The following RGS17 variants were observed in gnomAD, a reference collection of about 807,000 sequenced individuals.
RGS17 encodes regulator of G-protein signaling 17.
In RGS17, 12 loss-of-function variants were observed where a neutral mutation model predicts 25.5. The ratio of observed to expected loss-of-function variants is 0.47; its 90% CI spans 0.30 to 0.76. RGS17 has a LOEUF of 0.76. Among genes scored for constraint, RGS17 ranks in the 30% least tolerant of loss-of-function variants. RGS17 has a pLI of 0.07. For synonymous variants in RGS17, 71 were observed against 76.9 expected, an observed-to-expected ratio of 0.92 and a Z score of 0.40; for missense variants, 196 against 242.2, an observed-to-expected ratio of 0.81 and a Z score of 1.27.
intron 2 of RGS17, among the ~76,000 whole-genome samples, chr6:153,029,460 T>C (rs572733306): frequency 7.2e-5 from 11 of 152,352 alleles, no homozygotes; most frequent in African/African-American, 2.6e-4. Flanking sequence ...TTGTTGTTTT[T>C]ATTAATTCAC....
intron 1 of RGS17, among the ~76,000 whole-genome samples, chr6:153,124,004 T>C (rs1221778939): frequency 6.6e-6 from 1 of 152,188 alleles, no homozygotes; most frequent in Admixed American, 6.5e-5. Flanking sequence ...TGTTAAATCA[T>C]CCACCAACAG....
chr6:153,049,364 A>G (rs1776431139), intron 1 of RGS17, among the ~76,000 whole-genome samples: 1 of 152,210 alleles, frequency 6.6e-6, no homozygotes, highest in South Asian at 2.1e-4. Flanking sequence ...AAATATTACG[A>G]AACTTTATCA....
chr6:153,114,707 A>G lies in RGS17; in HGVS notation c.-26+16417T>C, dbSNP rs1777519576. ...AAGATACTGGCAAACTGAATCCAGC[A>G]GCACATTAACAAGCTTATCCACCAT... On this transcript the variant is annotated intron_variant, in intron 1 of 4. Coordinates refer to ENST00000206262, the MANE Select transcript of RGS17 (RefSeq NM_012419.5). Among the ~76,000 whole-genome samples, 8 of 152,352 alleles carry G rather than the reference A, an allele frequency of 5.3e-5. No homozygotes were observed. The South Asian group carries it at 1.7e-3, about 32-fold the overall frequency.
At chr6:153,058,037 C>A (rs1430463108) in intron 1 of RGS17, among the ~76,000 whole-genome samples, 1 of 152,160 alleles carries the variant, frequency 6.6e-6, no homozygotes, top group Non-Finnish European at 1.5e-5. Flanking sequence ...CTATTCTTAT[C>A]CTTGTTTCCT....
rs886131348 is a variant in RGS17, at chr6:153,006,662, C to G, written c.*4912G>C. 3.3e-5 allele frequency: 5 copies of G among 152,228 alleles called. No individual in the cohort carries two copies. Among genetic ancestry groups the G allele is most frequent in the Non-Finnish European group, 7.4e-5 (5 of 68,024 alleles). The allele number at this position is 152,228 out of a possible 1,614,324, so 9.4% of individuals were successfully genotyped here. ...AAGTGCATTAAAGTGACATTTAATA[C>G]AAGTATACAATAACAATTATTGACG... is the stretch of plus-strand genomic sequence containing the variant. On this transcript the variant is annotated 3_prime_UTR_variant, in exon 5 of 5. Coordinates refer to ENST00000206262, the MANE Select transcript of RGS17 (RefSeq NM_012419.5).
At chr6:153,069,754 G>GTGTGTTTGTGTT (rs1373739977) in intron 1 of RGS17, among the ~76,000 whole-genome samples, 5 of 151,564 alleles carry the variant, frequency 3.3e-5, no homozygotes, top group Admixed American at 2.6e-4. Flanking sequence ...GTGTGTGTGT[G>GTGTGTTTGTGTT]TGTGTGTGTG....
intron 1 of RGS17, among the ~76,000 whole-genome samples, chr6:153,124,438 G>A (rs12210200): frequency 0.11 from 16,868 of 152,106 alleles, 1,031 homozygotes; most frequent in East Asian, 0.18. Context: ...ATACTGGCAC[G>A]AAATTAAAAC....
chr6:153,101,991 C>G (rs1213990316), intron 1 of RGS17, among the ~76,000 whole-genome samples: 1 of 152,178 alleles, frequency 6.6e-6, no homozygotes, highest in Non-Finnish European at 1.5e-5. Flanking sequence ...TGGACTAATA[C>G]AGGTGGTTAT....
rs1482681315 is a variant in RGS17 at position 153,006,653 on chromosome 6, CATTT to C, written c.*4917_*4920del. ...AATAGGGGAAAGTGCATTAAAGTGACATTTAATACAAGTATACAATAACAATTAT... is the reference window on the plus strand; with the variant it reads ...AATAGGGGAAAGTGCATTAAAGTGACAATACAAGTATACAATAACAATTAT... On this transcript the variant is annotated 3_prime_UTR_variant, in exon 5 of 5. Coordinates refer to ENST00000206262, the MANE Select transcript of RGS17 (RefSeq NM_012419.5). The C allele has an allele frequency of 6.6e-6, 1 of 152,312 alleles. No homozygotes were observed. The highest frequency in any genetic ancestry group is 2.4e-5 in the African/African-American group (1 of 41,426). 9.4% of individuals were successfully genotyped at this position (152,312 alleles called of 1,614,324 possible). A position where few individuals can be genotyped will look rare whatever the true frequency, so the allele number is the denominator to read the frequency against.
intron 1 of RGS17, among the ~76,000 whole-genome samples, chr6:153,058,437 C>T (rs1776592650): frequency 6.6e-6 from 1 of 152,176 alleles, no homozygotes; most frequent in Non-Finnish European, 1.5e-5. Flanking sequence ...TGACACTGTA[C>T]TTTTTATCAC....
chr6:153,045,850 C>T (rs190219679), intron 1 of RGS17, among the ~76,000 whole-genome samples: 9 of 152,254 alleles, frequency 5.9e-5, no homozygotes, highest in Non-Finnish European at 1.0e-4. Context: ...TATCTGACTT[C>T]CCCTTTTCCA....
At chr6:153,103,808 T>C (rs1353723001) in intron 1 of RGS17, among the ~76,000 whole-genome samples, 1 of 152,112 alleles carries the variant, frequency 6.6e-6, no homozygotes, top group Admixed American at 6.5e-5. Context: ...CACATTATCA[T>C]TAGTCAGTAG....
At chr6:153,087,338 T>C in intron 1 of RGS17, among the ~76,000 whole-genome samples, 1 of 152,152 alleles carries the variant, frequency 6.6e-6, no homozygotes, top group Non-Finnish European at 1.5e-5. Context: ...AACACAGATA[T>C]ACATAATGAT....
chr6:153,040,260 T>C (rs895679055), intron 2 of RGS17, among the ~76,000 whole-genome samples: 3 of 152,178 alleles, frequency 2.0e-5, no homozygotes, highest in Non-Finnish European at 4.4e-5. Flanking sequence ...CTAAACAGTT[T>C]AGAATTTTGA....
chr6:153,038,910 A>G (rs568500858), intron 2 of RGS17, among the ~76,000 whole-genome samples: 1 of 152,256 alleles, frequency 6.6e-6, no homozygotes, highest in East Asian at 1.9e-4. Flanking sequence ...CTTAACATTT[A>G]CTCAGTGAGA....
At chr6:153,045,755 T>C (rs975551703) in intron 1 of RGS17, among the ~76,000 whole-genome samples, 2 of 152,210 alleles carry the variant, frequency 1.3e-5, no homozygotes, top group Non-Finnish European at 2.9e-5. Context: ...CACCTAAAAT[T>C]AGTTTAACAA....
intron 4 of RGS17, 88 bp downstream of exon 4, chr6:153,024,174 C>T (rs545323): frequency 0.71 from 573,499 of 805,852 alleles, 206,761 homozygotes; most frequent in African/African-American, 0.94. Context: ...CCTCTCCACA[C>T]CCCATGCCCT....
intron 1 of RGS17, among the ~76,000 whole-genome samples, chr6:153,074,178 C>A (rs1776845384): frequency 6.6e-6 from 1 of 152,176 alleles, no homozygotes; most frequent in South Asian, 2.1e-4. Context: ...CAGAAAAGAG[C>A]TACCCCTACT....
chr6:153,077,641 C>A (rs1468021815), intron 1 of RGS17, among the ~76,000 whole-genome samples: 3 of 151,988 alleles, frequency 2.0e-5, no homozygotes, highest in Admixed American at 6.6e-5. Flanking sequence ...TGTGGTATAT[C>A]TTTCTGTATG....
Sources: gnomAD v4.1 joint callset for allele counts (sites outside exome capture counted in the v4.1 genomes callset) on GRCh38, gnomAD v4.1.1 for gene constraint, MANE v1.5 for transcripts, NCBI Gene and HGNC (gene_info 2026-07-23, HGNC 2026-07-21) for gene names.